CYP11B1: variants seen among roughly 807,000 people sequenced by gnomAD.
The protein encoded by CYP11B1 is cytochrome P450 11B1, mitochondrial.
Under a neutral mutation model 48.3 loss-of-function variants are expected in CYP11B1, and 34 were observed. The ratio of observed to expected loss-of-function variants is 0.70; its 90% CI spans 0.54 to 0.94. CYP11B1 has a LOEUF of 0.94. Ranked by LOEUF, CYP11B1 falls within the 40% of genes least tolerant of loss-of-function variation. The pLI is 0.00. For missense variants in CYP11B1, 688 were observed against 657.4 expected, an observed-to-expected ratio of 1.05 and a Z score of -0.51; for synonymous variants, 291 against 262.5, an observed-to-expected ratio of 1.11 and a Z score of -1.05.
chr8:142,875,696 C>G lies in CYP11B1; in HGVS notation c.1121+16G>C. 6.2e-7 allele frequency: 1 copy of G among 1,613,202 alleles called. No homozygotes were observed. Among genetic ancestry groups the G allele is most frequent in the South Asian group, 1.1e-5 (1 of 91,038 alleles). ...CAGGGGGCCAGGGCCACAGGGAGGCCTCAGCCAGCACCCACCGCAAGGTCT... is the reference window on the plus strand; with the variant it reads ...CAGGGGGCCAGGGCCACAGGGAGGCGTCAGCCAGCACCCACCGCAAGGTCT... On this transcript the variant is annotated intron_variant, in intron 6 of 8. Transcript: ENST00000292427.
chr8:142,876,327 C>T lies in CYP11B1; in HGVS notation c.868G>A (p.Val290Met), dbSNP rs763444205. Reference sequence around the variant, plus strand: ...TCCGCATTCAACAGGAGCTCCGCCACGATGCTGGTGTACTGTTGAGGGCGG... The same window carrying T: ...TCCGCATTCAACAGGAGCTCCGCCATGATGCTGGTGTACTGTTGAGGGCGG... ...FSRPQQYTSI[V>M]AELLLNAELS... is the part of the protein sequence containing the mutation. The change falls in exon 5 of 9, where the codon GTG (valine) becomes ATG (methionine). Residue 290 changes from valine (V) to methionine (M), a missense_variant. Coordinates refer to ENST00000292427, the MANE Select transcript of CYP11B1 (RefSeq NM_000497.4). 62 of 1,614,072 alleles carry T rather than the reference C, an allele frequency of 3.8e-5. No individual in the cohort carries two copies. The highest frequency in any genetic ancestry group is 1.2e-4 in the Admixed American group (7 of 60,008).
intron 2 of CYP11B1, chr8:142,877,840 A>G: frequency 1.3e-6 from 2 of 1,591,070 alleles, no homozygotes; most frequent in Non-Finnish European, 1.7e-6. Flanking sequence ...CATTTCTGCA[A>G]AACTCAAAGC....
At chr8:142,877,777 G>A (rs1311217144) in intron 2 of CYP11B1, 3 of 1,597,494 alleles carry the variant, frequency 1.9e-6, no homozygotes, top group South Asian at 1.1e-5. Context: ...AGTGCGTGGG[G>A]GCTCCATGGA....
Position 142,875,764 on chromosome 8 carries a change from T to C in CYP11B1, c.1069A>G (p.Lys357Glu). 6.2e-7 allele frequency: 1 copy of C among 1,614,070 alleles called. No individual in the cohort carries two copies. Among genetic ancestry groups the C allele is most frequent in the Non-Finnish European group, 8.5e-7 (1 of 1,180,008 alleles). ...AGCAAGGGCAGCTCGGTGGTTGCCT[T>C]CTGGGGATGTTCACTGATGCTGGCT... ...AAASISEHPQ[K>E]ATTELPLLRA... The change falls in exon 6 of 9, where the codon AAG becomes GAG. Residue 357 changes from lysine (K) to glutamate (E), a missense_variant. Transcript: ENST00000292427.
chr8:142,875,649 C>G lies in CYP11B1; in HGVS notation c.1121+63G>C, dbSNP rs370014024. On this transcript the variant is annotated intron_variant, in intron 6 of 8. Coordinates refer to ENST00000292427, the MANE Select transcript of CYP11B1 (RefSeq NM_000497.4). ...CAGCCCCAGATTCTGTCTGCCACCA[C>G]CCAGTGGGGGCTGCTCTCCAGCAGG... 1,352 of 1,588,964 alleles carry G rather than the reference C, an allele frequency of 8.5e-4. 2 individuals carry two copies. The African/African-American group carries it at 8.8e-3, about 10-fold the overall frequency.
At chr8:142,877,310 A>G in intron 2 of CYP11B1, 88 bp from the exon 3 acceptor site, 1 of 1,292,636 alleles carries the variant, frequency 7.7e-7, no homozygotes, top group South Asian at 1.3e-5. Context: ...CCCAAGGGGA[A>G]TCGGCCTGCA....
At position 142,879,084 on chromosome 8, in the gene CYP11B1, G is replaced by A; in HGVS notation, c.343C>T (p.Pro115Ser). Residue 115 changes from proline to serine, a missense_variant, in exon 2 of 9, where the codon CCC (proline) becomes TCC (serine). Physicochemically the swap from Pro to Ser is moderately conservative, Grantham distance 74 (BLOSUM62 -1). Transcript: ENST00000292427. Reference protein sequence around the residue: ...SLHPHRMSLEPWVAYRQHRGH... With the variant: ...SLHPHRMSLESWVAYRQHRGH... ...CGATGTTGTCTGTAGGCCACCCAGG[G>A]CTCCAGGCTCATCCTGTGGGGATGC... 6.2e-7 allele frequency: 1 copy of A among 1,613,988 alleles called. No individual in the cohort carries two copies. Among genetic ancestry groups the A allele is most frequent in the African/African-American group, 1.3e-5 (1 of 75,032 alleles).
Position 142,873,273 on chromosome 8 carries a change from T to C in CYP11B1, c.*1100A>G, listed in dbSNP as rs2130261013. The C allele has an allele frequency of 6.6e-6, 1 of 152,350 alleles. No individual in the cohort carries two copies. Among genetic ancestry groups the C allele is most frequent in the South Asian group, 2.1e-4 (1 of 4,832 alleles). 9.4% of individuals were successfully genotyped at this position (152,350 alleles called of 1,614,324 possible). A position where few individuals can be genotyped will look rare whatever the true frequency, so the allele number is the denominator to read the frequency against. Reference sequence around the variant, plus strand: ...CCACCAGGAGCTGGCTGCTGTGATCTTTGCCCTGATGAAAATCCATGGAGA... The same window carrying C: ...CCACCAGGAGCTGGCTGCTGTGATCCTTGCCCTGATGAAAATCCATGGAGA... On this transcript the variant is annotated 3_prime_UTR_variant, in exon 9 of 9. Transcript: ENST00000292427.
Position 142,874,493 on chromosome 8 carries a change from CAG to C in CYP11B1, c.1399-9_1399-8del. On this transcript the variant is annotated splice_region_variant and splice_polypyrimidine_tract_variant and intron_variant, in intron 8 of 8. Transcript: ENST00000292427. Reference sequence around the variant, plus strand: ...CCTGGAGGTGTTTCAGCACCTAGGACAGAAGCCGGGTTTCCATCTGGCTTGGT... The same window carrying C: ...CCTGGAGGTGTTTCAGCACCTAGGACAAGCCGGGTTTCCATCTGGCTTGGT... 6.2e-7 allele frequency: 1 copy of C among 1,600,028 alleles called. No homozygotes were observed. The highest frequency in any genetic ancestry group is 8.6e-7 in the Non-Finnish European group (1 of 1,167,142).
At chr8:142,877,690 GC>G in intron 2 of CYP11B1, 2 of 1,528,544 alleles carry the variant, frequency 1.3e-6, no homozygotes, top group Non-Finnish European at 1.8e-6. Flanking sequence ...TGGGGCAGCA[GC>G]CCCAGTGAAG....
At chr8:142,878,653 A>G (rs1817040549) in intron 2 of CYP11B1, among the ~76,000 whole-genome samples, 1 of 152,098 alleles carries the variant, frequency 6.6e-6, no homozygotes, top group Non-Finnish European at 1.5e-5. Flanking sequence ...CAGGCTCAGT[A>G]CTCAGCCTGT....
rs376105877 is a variant in CYP11B1 at position 142,879,332 on chromosome 8, C to T, written c.240-145G>A. The T allele has an allele frequency of 1.7e-4, 276 of 1,605,858 alleles. 1 individual carries two copies. The highest frequency in any genetic ancestry group is 1.8e-4 in the East Asian group (8 of 44,878). ...AGCTAAAGCCCTCTTGCTGACTGCCCGGAACCTCTTAACTTCAGTGCCTCT... is the reference window on the plus strand; with the variant it reads ...AGCTAAAGCCCTCTTGCTGACTGCCTGGAACCTCTTAACTTCAGTGCCTCT... On this transcript the variant is annotated intron_variant, in intron 1 of 8. Coordinates refer to ENST00000292427, the MANE Select transcript of CYP11B1 (RefSeq NM_000497.4).
At chr8:142,876,104 A>G in intron 5 of CYP11B1, 137 bp downstream of exon 5, 1 of 1,326,790 alleles carries the variant, frequency 7.5e-7, no homozygotes, top group Non-Finnish European at 1.1e-6. Flanking sequence ...TGTTTATCAC[A>G]TCACAATCCC....
chr8:142,873,264 G>A lies in CYP11B1; in HGVS notation c.*1109C>T, dbSNP rs1370143860. On this transcript the variant is annotated 3_prime_UTR_variant, in exon 9 of 9. Transcript: ENST00000292427. ...CCTCATCAGCCACCAGGAGCTGGCT[G>A]CTGTGATCTTTGCCCTGATGAAAAT... 2 of 152,292 alleles carry A rather than the reference G, an allele frequency of 1.3e-5. No homozygotes were observed. The highest frequency in any genetic ancestry group is 2.9e-5 in the Non-Finnish European group (2 of 68,088). 9.4% of individuals were successfully genotyped at this position (152,292 alleles called of 1,614,324 possible). A position where few individuals can be genotyped will look rare whatever the true frequency, so the allele number is the denominator to read the frequency against.
intron 2 of CYP11B1, 50 bp downstream of exon 2, chr8:142,878,982 C>A (rs372183481): frequency 1.0e-4 from 168 of 1,608,282 alleles, no homozygotes; most frequent in Non-Finnish European, 1.3e-4. Flanking sequence ...TCGCCTCCCC[C>A]CTACACCCAG....
chr8:142,876,552 C>T (rs1458799001), intron 4 of CYP11B1, 130 bp downstream of exon 4: 23 of 1,549,292 alleles, frequency 1.5e-5, no homozygotes, highest in Non-Finnish European at 1.7e-6. Flanking sequence ...GCACCAATCT[C>T]CCTGGCAGGA....
At chr8:142,877,541 A>T (rs1230127142) in intron 2 of CYP11B1, among the ~76,000 whole-genome samples, 4 of 152,140 alleles carry the variant, frequency 2.6e-5, no homozygotes, top group African/African-American at 9.7e-5. Context: ...TCCCTGTAGT[A>T]GGGGGGAGGG....
intron 8 of CYP11B1, 142 bp downstream of exon 8, chr8:142,874,815 A>G: frequency 2.8e-6 from 3 of 1,052,814 alleles, no homozygotes; most frequent in Non-Finnish European, 2.8e-6. Flanking sequence ...AACCTGGCCC[A>G]GGTTCTCCCA....
Position 142,877,163 on chromosome 8 carries a change from T to A in CYP11B1, c.455A>T (p.Asn152Ile). 6.2e-7 allele frequency: 1 copy of A among 1,614,172 alleles called. No individual in the cohort carries two copies. Among genetic ancestry groups the A allele is most frequent in the South Asian group, 1.1e-5 (1 of 91,072 alleles). The change falls in exon 3 of 9, where the codon AAC becomes ATC. Residue 152 changes from asparagine (N) to isoleucine (I), a missense_variant. By Grantham distance (149) the Asn-to-Ile change is moderately radical. Transcript: ENST00000292427. ...LRLNPEVLSP[N>I]AVQRFLPMVD... ...CATCGGGAGGAACCTCTGCACAGCG[T>A]TGGGCGACAGCACTTCTGGATTCAG...
Sources: allele counts gnomAD v4.1 joint callset (sites outside exome capture counted in the v4.1 genomes callset), GRCh38; gene constraint gnomAD v4.1.1; transcripts MANE v1.5; gene names NCBI Gene and HGNC (gene_info 2026-07-23, HGNC 2026-07-21).